Variants in LRIG1 observed in about 807,000 individuals in gnomAD.
LRIG1 encodes the protein leucine rich repeats and immunoglobulin like domains 1.
Under a neutral mutation model 99.2 loss-of-function variants are expected in LRIG1, and 48 were observed. The observed-to-expected ratio is 0.48, with a 90% CI of 0.38 to 0.62. The LOEUF is 0.62. Ranked by LOEUF, LRIG1 falls within the 20% of genes least tolerant of loss-of-function variation. LRIG1 has a pLI of 0.00. For synonymous variants in LRIG1, 772 were observed against 596.1 expected (o/e 1.29, Z -4.30); for missense variants, 1,646 against 1,434.4 (o/e 1.15, Z -2.38).
chr3:66,443,013 T>C (rs1368815411), intron 3 of LRIG1, among the ~76,000 whole-genome samples: 1 of 152,112 alleles, frequency 6.6e-6, no homozygotes, highest in African/African-American at 2.4e-5. Context: ...TGACAAGTCA[T>C]GACTGTGTAA....
At position 66,448,758 on chromosome 3, in the gene LRIG1, ATTAT is replaced by A. The variant is rs571650403; in HGVS notation, c.365+2797_365+2800del. ...TGCTCTATTCTCTCTGCATATTTTG[ATTAT>A]TTTTTTCTGATCCTCTGTCTGCCCA... On this transcript the variant is annotated intron_variant, in intron 3 of 18. Transcript: ENST00000273261. Among the ~76,000 whole-genome samples the A allele has an allele frequency of 4.3e-3, 658 of 152,232 alleles. 5 individuals are homozygous for A. Among genetic ancestry groups the A allele is most frequent in the African/African-American group, 0.015 (630 of 41,536 alleles).
At chr3:66,417,642 A>C in intron 3 of LRIG1, 1 of 198,598 alleles carries the variant, frequency 5.0e-6, no homozygotes, top group Non-Finnish European at 1.0e-5. Context: ...CTCACCCATC[A>C]TCCTCAGACC....
chr3:66,492,129 G>A (rs1274017262), intron 1 of LRIG1, among the ~76,000 whole-genome samples: 1 of 152,180 alleles, frequency 6.6e-6, no homozygotes, highest in Non-Finnish European at 1.5e-5. Flanking sequence ...ATGCTTGAGA[G>A]ACAAATGCTT....
rs1700641169 is a variant in LRIG1, at chr3:66,473,095, T to C, written c.219-10586A>G. ...ACTGAGAAGGGCAATTTTAGGCAAA[T>C]ACCCTTCTGGGTTACAAAAGAGCAA... On this transcript the variant is annotated intron_variant, in intron 1 of 18. Transcript: ENST00000273261. 2.6e-5 allele frequency among the ~76,000 whole-genome samples: 4 copies of C among 152,302 alleles called. No individual in the cohort carries two copies. The South Asian group carries it at 8.3e-4, about 32-fold the overall frequency.
At chr3:66,456,385 T>C (rs1700220948) in intron 2 of LRIG1, among the ~76,000 whole-genome samples, 1 of 152,042 alleles carries the variant, frequency 6.6e-6, no homozygotes, top group Non-Finnish European at 1.5e-5. Context: ...AGTTCGAGAC[T>C]AGCCTGGGCA....
intron 3 of LRIG1, among the ~76,000 whole-genome samples, chr3:66,438,068 G>A (rs1055928327): frequency 6.6e-6 from 1 of 152,152 alleles, no homozygotes; most frequent in African/African-American, 2.4e-5. Flanking sequence ...TTGGGTGGCT[G>A]GTGTGGAGTG....
intron 2 of LRIG1, 29 bp downstream of exon 2, chr3:66,462,409 A>T: frequency 6.4e-7 from 1 of 1,564,240 alleles, no homozygotes; most frequent in East Asian, 2.2e-5. Flanking sequence ...CCATCCTTCC[A>T]TCCACCAGAG....
At position 66,384,292 on chromosome 3, in the gene LRIG1, A is replaced by G. The variant is rs1183125368; in HGVS notation, c.1790-20T>C. 6.2e-7 allele frequency: 1 copy of G among 1,601,242 alleles called. No individual in the cohort carries two copies. Among genetic ancestry groups the G allele is most frequent in the Non-Finnish European group, 8.5e-7 (1 of 1,170,440 alleles). On this transcript the variant is annotated intron_variant, in intron 13 of 18. Transcript: ENST00000273261. Reference sequence around the variant, plus strand: ...GCAACACTGGAAAACATACGTATACAGGGTCGGGTTACGGGACAGCTAGAT... The same window carrying G: ...GCAACACTGGAAAACATACGTATACGGGGTCGGGTTACGGGACAGCTAGAT...
intron 13 of LRIG1, among the ~76,000 whole-genome samples, chr3:66,384,525 C>G (rs183185460): frequency 6.6e-6 from 1 of 152,248 alleles, no homozygotes; most frequent in Admixed American, 6.5e-5. Context: ...AAAGCAAAGG[C>G]TTTTACTCTA....
At chr3:66,390,978 T>C (rs186060382) in intron 12 of LRIG1, among the ~76,000 whole-genome samples, 25 of 152,030 alleles carry the variant, frequency 1.6e-4, no homozygotes, top group Non-Finnish European at 3.1e-4. Flanking sequence ...AAAAGACAAA[T>C]GAATACTGGC....
intron 17 of LRIG1, chr3:66,381,097 C>G (rs1701030448): frequency 3.4e-6 from 2 of 592,926 alleles, no homozygotes; most frequent in Admixed American, 3.0e-5. Context: ...ACAATGTAGT[C>G]TTACTGCTTC....
At chr3:66,441,515 C>T (rs977616589) in intron 3 of LRIG1, among the ~76,000 whole-genome samples, 12 of 152,126 alleles carry the variant, frequency 7.9e-5, no homozygotes, top group African/African-American at 2.7e-4. Flanking sequence ...TCTGTTACTT[C>T]GCATCAGTGA....
intron 1 of LRIG1, among the ~76,000 whole-genome samples, chr3:66,469,416 C>T (rs1486790798): frequency 6.6e-6 from 1 of 152,144 alleles, no homozygotes; most frequent in Non-Finnish European, 1.5e-5. Flanking sequence ...TATATACATA[C>T]AGCTATATAT....
rs373297134 is a variant in LRIG1 at position 66,380,474 on chromosome 3, G to A, written c.3071C>T (p.Thr1024Ile). The A allele has an allele frequency of 5.6e-6, 9 of 1,614,088 alleles. No individual in the cohort carries two copies. The Admixed American group carries it at 6.7e-5, about 12-fold the overall frequency. The stretch of plus-strand genomic sequence containing the variant: ...GTCCGGGTGATACAACCTTGCTAAA[G>A]TCCAGGAAGAATCCCCTACAAGGAA... ...SLDGKGDSSW[T>I]LARLYHPDST... The change falls in exon 19 of 19, where the codon ACT (threonine) becomes ATT (isoleucine). Residue 1024 changes from threonine (T) to isoleucine (I), a missense_variant. By Grantham distance (89) the Thr-to-Ile change is moderately conservative. Transcript: ENST00000273261.
rs1701371646 is a variant in LRIG1 at position 66,386,311 on chromosome 3, G to A, written c.1469-10C>T. 6.2e-7 allele frequency: 1 copy of A among 1,612,022 alleles called. No individual in the cohort carries two copies. The highest frequency in any genetic ancestry group is 8.5e-7 in the Non-Finnish European group (1 of 1,178,696). Reference sequence around the variant, plus strand: ...GGCTTCAGGAAGTCATCTGGGGAGAGAAGGGTCAACTGTAAAGCGCTGGGT... The same window carrying A: ...GGCTTCAGGAAGTCATCTGGGGAGAAAAGGGTCAACTGTAAAGCGCTGGGT... On this transcript the variant is annotated splice_polypyrimidine_tract_variant and intron_variant, in intron 12 of 18. Coordinates refer to ENST00000273261, the MANE Select transcript of LRIG1 (RefSeq NM_015541.3).
At chr3:66,422,671 C>T (rs1029429091) in intron 3 of LRIG1, among the ~76,000 whole-genome samples, 9 of 152,228 alleles carry the variant, frequency 5.9e-5, no homozygotes, top group Non-Finnish European at 7.3e-5. Flanking sequence ...AGTGCTCCAA[C>T]CTCTGCCTGT....
At chr3:66,405,363 T>C in intron 8 of LRIG1, 85 bp from the exon 9 acceptor site, 2 of 1,095,842 alleles carry the variant, frequency 1.8e-6, no homozygotes, top group Non-Finnish European at 2.8e-6. Context: ...GCTCGGAAGC[T>C]GAAGTCCCCT....
intron 1 of LRIG1, among the ~76,000 whole-genome samples, chr3:66,492,550 T>G (rs1701125321): frequency 6.6e-6 from 1 of 152,106 alleles, no homozygotes; most frequent in Non-Finnish European, 1.5e-5. Context: ...TAATGTGAGA[T>G]CTTGAGAATG....
intron 11 of LRIG1, among the ~76,000 whole-genome samples, chr3:66,396,825 C>A (rs554169642): frequency 1.3e-5 from 2 of 152,234 alleles, no homozygotes; most frequent in African/African-American, 4.8e-5. Flanking sequence ...CTCCTGTGCC[C>A]CACCGCTTGT....
Sources: gnomAD v4.1 joint callset for allele counts (sites outside exome capture counted in the v4.1 genomes callset) on GRCh38, gnomAD v4.1.1 for gene constraint, MANE v1.5 for transcripts, NCBI Gene and HGNC (gene_info 2026-07-23, HGNC 2026-07-21) for gene names.